The following C5orf47 variants were observed in gnomAD, a reference collection of about 807,000 sequenced individuals.
C5orf47 encodes uncharacterized protein C5orf47.
In C5orf47, 20 loss-of-function variants were observed where a neutral mutation model predicts 20.6. That is an observed-to-expected ratio of 0.97 (90% confidence interval 0.68 to 1.41). C5orf47 has a LOEUF of 1.41. Ranked by LOEUF, C5orf47 falls within the 40% of genes most tolerant of loss-of-function variation. C5orf47 has a pLI of 0.00. For synonymous variants in C5orf47, 106 were observed against 97.3 expected (o/e 1.09, Z -0.53); for missense variants, 262 against 238.4 (o/e 1.10, Z -0.65).
chr5:174,005,648 CTG>C lies in C5orf47; in HGVS notation c.*1395_*1396del, dbSNP rs1187564609. On this transcript the variant is annotated 3_prime_UTR_variant, in exon 5 of 5. Transcript: ENST00000340147. ...AAGCTTCAAATTTTAGCTTATGCAACTGAAGTCCATTGCAAAATGAGACATAT... is the reference window on the plus strand; with the variant it reads ...AAGCTTCAAATTTTAGCTTATGCAACAAGTCCATTGCAAAATGAGACATAT... 6.6e-6 allele frequency: 1 copy of C among 152,278 alleles called. No homozygotes were observed. Among genetic ancestry groups the C allele is most frequent in the Non-Finnish European group, 1.5e-5 (1 of 68,022 alleles). The allele number at this position is 152,278 out of a possible 1,614,324, so 9.4% of individuals were successfully genotyped here.
chr5:173,998,202 G>C lies in C5orf47; in HGVS notation c.375G>C (p.Leu125Phe). The change falls in exon 2 of 5, where the codon TTG (leucine) becomes TTC (phenylalanine). Residue 125 changes from leucine to phenylalanine, a missense_variant. Physicochemically the swap from Leu to Phe is conservative, Grantham distance 22 (BLOSUM62 0). Coordinates refer to ENST00000340147, the MANE Select transcript of C5orf47 (RefSeq NM_001144954.2). ...AAAAGTATGATTTTCCCATACCATT[G>C]AATGAAGCTTCCAAAATAATGAAGA... ...AAKKYDFPIP[L>F]NEASKIMKKK... 6.5e-7 allele frequency: 1 copy of C among 1,541,868 alleles called. No individual in the cohort carries two copies. Among genetic ancestry groups the C allele is most frequent in the African/African-American group, 1.4e-5 (1 of 72,580 alleles).
chr5:173,993,374 G>A (rs1759033006), intron 1 of C5orf47, among the ~76,000 whole-genome samples: 2 of 152,180 alleles, frequency 1.3e-5, no homozygotes, highest in Non-Finnish European at 2.9e-5. Context: ...CAGGCGCGGT[G>A]GCTCATGCCT....
downstream of C5orf47, among the ~76,000 whole-genome samples, chr5:174,006,857 GAT>G (rs1759299960): frequency 6.6e-6 from 1 of 152,196 alleles, no homozygotes; most frequent in Non-Finnish European, 1.5e-5. Flanking sequence ...ATAATTGACT[GAT>G]AGCCCAGCTG....
intron 4 of C5orf47, among the ~76,000 whole-genome samples, 178 bp from the exon 5 acceptor site, chr5:174,004,093 T>C (rs1388918406): frequency 3.3e-5 from 5 of 152,190 alleles, no homozygotes; most frequent in Admixed American, 3.3e-4. Flanking sequence ...GAGTTACATA[T>C]TGAGTCTGTT....
rs745680450 is a variant in C5orf47 at position 173,989,617 on chromosome 5, G to A, written c.325+29G>A. 19 of 1,386,508 alleles carry A rather than the reference G, an allele frequency of 1.4e-5. 2 individuals carry two copies. The South Asian group carries it at 3.1e-4, about 22-fold the overall frequency. 85.9% of individuals were successfully genotyped at this position (1,386,508 alleles called of 1,614,324 possible). ...GTGCAGCGGGGCAGGGCGGGACCGG[G>A]CGCGGCGGGGCGGGACGGGGCGGAG... On this transcript the variant is annotated intron_variant, in intron 1 of 4. Coordinates refer to ENST00000340147, the MANE Select transcript of C5orf47 (RefSeq NM_001144954.2).
intron 1 of C5orf47, among the ~76,000 whole-genome samples, chr5:173,994,643 T>G (rs1360178573): frequency 1.3e-5 from 2 of 152,188 alleles, no homozygotes; most frequent in African/African-American, 4.8e-5. Flanking sequence ...GTCTCTGTGC[T>G]GGGCAACTGG....
intron 2 of C5orf47, 101 bp from the exon 3 acceptor site, chr5:173,999,599 C>T: frequency 2.0e-6 from 1 of 502,872 alleles, no homozygotes; most frequent in Non-Finnish European, 3.6e-6. Context: ...ATGATGATAT[C>T]AATTGACATA....
At position 174,004,438 on chromosome 5, in the gene C5orf47, C is replaced by T. The variant is rs1759251433; in HGVS notation, c.*184C>T. 6.6e-6 allele frequency: 1 copy of T among 152,072 alleles called. No homozygotes were observed. Among genetic ancestry groups the T allele is most frequent in the Admixed American group, 6.5e-5 (1 of 15,276 alleles). The allele number at this position is 152,072 out of a possible 1,614,324, so 9.4% of individuals were successfully genotyped here. ...TTTATAAATTAATAATATTTCTTTG[C>T]TACTTAATAATACCTTTAGTTAAAT... On this transcript the variant is annotated 3_prime_UTR_variant, in exon 5 of 5. Transcript: ENST00000340147.
intron 4 of C5orf47, 67 bp from the exon 5 acceptor site, chr5:174,004,204 T>A (rs1759246597): frequency 6.6e-6 from 1 of 152,330 alleles, no homozygotes; most frequent in African/African-American, 2.4e-5. Context: ...TGCTAAAAAT[T>A]TTCAGTGACT....
intron 1 of C5orf47, among the ~76,000 whole-genome samples, chr5:173,993,041 G>GTTAT (rs982849930): frequency 6.6e-6 from 1 of 151,888 alleles, no homozygotes; most frequent in East Asian, 1.9e-4. Context: ...GATTTGCCTA[G>GTTAT]TTATTTATTT....
chr5:173,992,278 T>G (rs1420484002), intron 1 of C5orf47, among the ~76,000 whole-genome samples: 1 of 151,406 alleles, frequency 6.6e-6, no homozygotes, highest in Non-Finnish European at 1.5e-5. Context: ...CCCGATACAG[T>G]GCCTCACACC....
rs1361720671 is a variant in C5orf47, at chr5:174,005,288, A to G, written c.*1034A>G. The G allele has an allele frequency of 6.6e-6, 1 of 152,182 alleles. No individual in the cohort carries two copies. Among genetic ancestry groups the G allele is most frequent in the Non-Finnish European group, 1.5e-5 (1 of 68,042 alleles). 9.4% of individuals were successfully genotyped at this position (152,182 alleles called of 1,614,324 possible). On this transcript the variant is annotated 3_prime_UTR_variant, in exon 5 of 5. Coordinates refer to ENST00000340147, the MANE Select transcript of C5orf47 (RefSeq NM_001144954.2). ...GGGGCATTGAGAAGGTGGGCTTCCT[A>G]ATTATTTTACAAAGGTATTACAAAG...
At chr5:174,006,845 G>T (rs753512320), downstream of C5orf47, among the ~76,000 whole-genome samples, 3 of 152,166 alleles carry the variant, frequency 2.0e-5, no homozygotes, top group Non-Finnish European at 4.4e-5. Context: ...CACCACAGGG[G>T]CATAATTGAC....
At position 173,989,194 on chromosome 5, in the gene C5orf47, C is replaced by A; in HGVS notation, c.-70C>A. The A allele has an allele frequency of 7.6e-7, 1 of 1,324,036 alleles. No individual in the cohort carries two copies. The highest frequency in any genetic ancestry group is 9.7e-7 in the Non-Finnish European group (1 of 1,033,658). The allele number at this position is 1,324,036 out of a possible 1,614,324, so 82.0% of individuals were successfully genotyped here. A position where few individuals can be genotyped will look rare whatever the true frequency, so the allele number is the denominator to read the frequency against. ...TAACCGCTCCCGCATCCCTCGCCTG[C>A]ACAGTGGGCAGTCTGGCGCCTGTGG... is the stretch of plus-strand genomic sequence containing the variant. On this transcript the variant is annotated 5_prime_UTR_variant, in exon 1 of 5. Transcript: ENST00000340147.
rs148583201 is a variant in C5orf47, at chr5:173,995,842, G to T, written c.326-2311G>T. On this transcript the variant is annotated intron_variant, in intron 1 of 4. Coordinates refer to ENST00000340147, the MANE Select transcript of C5orf47 (RefSeq NM_001144954.2). ...TTTTTGAATGGTGGGGTGGAGTAAA[G>T]TTATCAGAGACAGGTGCACTTCTGG... 2.6e-3 allele frequency among the ~76,000 whole-genome samples: 402 copies of T among 152,306 alleles called. 1 individual carries two copies. Among genetic ancestry groups the T allele is most frequent in the Admixed American group, 7.0e-3 (107 of 15,306 alleles).
intron 3 of C5orf47, among the ~76,000 whole-genome samples, chr5:174,000,028 GGT>G (rs1423302207): frequency 2.0e-5 from 3 of 152,040 alleles, no homozygotes; most frequent in South Asian, 4.1e-4. Context: ...GAATGTAGAA[GGT>G]GTGTGTTGAC....
chr5:173,989,654 G>T, intron 1 of C5orf47, 66 bp downstream of exon 1: 1 of 1,283,564 alleles, frequency 7.8e-7, no homozygotes, highest in Non-Finnish European at 1.0e-6. Flanking sequence ...GGGCTCAGCT[G>T]CTGGGCGCCA....
chr5:174,004,053 G>A (rs1161499985), intron 4 of C5orf47, among the ~76,000 whole-genome samples: 1 of 152,156 alleles, frequency 6.6e-6, no homozygotes, highest in Non-Finnish European at 1.5e-5. Flanking sequence ...CAAGGGTATT[G>A]GCAGGAGTTA....
At chr5:174,009,152 C>T (rs192036064), downstream of C5orf47, among the ~76,000 whole-genome samples, 7 of 151,764 alleles carry the variant, frequency 4.6e-5, no homozygotes, top group East Asian at 7.8e-4. Context: ...TAGAGGTTGC[C>T]GTGAGCCGAG....
Sources: gnomAD v4.1 joint callset for allele counts (sites outside exome capture counted in the v4.1 genomes callset) on GRCh38, gnomAD v4.1.1 for gene constraint, MANE v1.5 for transcripts, NCBI Gene and HGNC (gene_info 2026-07-23, HGNC 2026-07-21) for gene names.